The following RBMS3 variants were observed in gnomAD, a reference collection of about 807,000 sequenced individuals.
RBMS3 encodes the protein RNA binding motif single stranded interacting protein 3.
RBMS3 carries 27 observed loss-of-function variants against 66.8 expected under a neutral mutation model. That is an observed-to-expected ratio of 0.40 (90% confidence interval 0.30 to 0.56). RBMS3 has a LOEUF of 0.56. Among genes scored for constraint, RBMS3 ranks in the 20% least tolerant of loss-of-function variants. The pLI, the probability that RBMS3 is intolerant of heterozygous loss-of-function variation, is 0.40. For missense variants in RBMS3, 513 were observed against 549.5 expected (o/e 0.93, Z 0.66); for synonymous variants, 188 against 183.0 (o/e 1.03, Z -0.22).
At chr3:29,958,647 C>A (rs533214770) in intron 12 of RBMS3, among the ~76,000 whole-genome samples, 1 of 152,020 alleles carries the variant, frequency 6.6e-6, no homozygotes, top group African/African-American at 2.4e-5. Context: ...CTCACACTAC[C>A]GGCATTTGTG....
At chr3:29,407,251 A>C (rs2125677020) in intron 1 of RBMS3, among the ~76,000 whole-genome samples, 1 of 152,312 alleles carries the variant, frequency 6.6e-6, no homozygotes, top group South Asian at 2.1e-4. Context: ...CAACTGCCTA[A>C]GAAGGTTGAT....
chr3:29,650,864 G>C (rs142884521), intron 4 of RBMS3, among the ~76,000 whole-genome samples: 1 of 152,114 alleles, frequency 6.6e-6, no homozygotes, highest in African/African-American at 2.4e-5. Context: ...AAATCTAAGG[G>C]TCTTAACCAC....
intron 4 of RBMS3, among the ~76,000 whole-genome samples, chr3:29,688,169 C>T (rs932008013): frequency 2.6e-4 from 40 of 152,202 alleles, no homozygotes; most frequent in African/African-American, 9.4e-4. Context: ...CTTTTCTTCT[C>T]TTCTCTTACC....
intron 7 of RBMS3, among the ~76,000 whole-genome samples, chr3:29,874,876 G>C (rs1211580149): frequency 1.3e-5 from 2 of 152,152 alleles, no homozygotes; most frequent in East Asian, 3.9e-4. Context: ...GGTAAGTCAT[G>C]TAAATCCCTG....
In RBMS3 at chr3:29,902,305, A is replaced by G. The variant is rs141057544; in HGVS notation, c.939+2550A>G. On this transcript the variant is annotated intron_variant, in intron 10 of 14. Coordinates refer to ENST00000383767, the MANE Select transcript of RBMS3 (RefSeq NM_001003793.3). ...AGCACTCAATAAATTATTATTATTT[A>G]ATTATATTAGTAGACTTCTCATTAT... 7.2e-4 allele frequency among the ~76,000 whole-genome samples: 110 copies of G among 152,024 alleles called. 1 individual carries two copies. The Middle Eastern group carries it at 0.01, about 14-fold the overall frequency.
chr3:29,403,386 G>A (rs570304226), intron 1 of RBMS3, among the ~76,000 whole-genome samples: 1 of 152,150 alleles, frequency 6.6e-6, no homozygotes, highest in South Asian at 2.1e-4. Context: ...GTTGAGATGT[G>A]GCTGTAGGAT....
intron 4 of RBMS3, among the ~76,000 whole-genome samples, chr3:29,648,403 G>T (rs2149208934): frequency 1.3e-5 from 2 of 151,160 alleles, no homozygotes; most frequent in Middle Eastern, 6.8e-3. Flanking sequence ...CCCCGGAGTA[G>T]CTGGGACTAC....
chr3:29,321,081 C>A (rs1164179989), intron 1 of RBMS3, among the ~76,000 whole-genome samples: 1 of 152,066 alleles, frequency 6.6e-6, no homozygotes, highest in African/African-American at 2.4e-5. Flanking sequence ...CTGCTCAGTT[C>A]ATAGGGCAGG....
intron 1 of RBMS3, among the ~76,000 whole-genome samples, chr3:29,360,982 G>T (rs2037548907): frequency 6.6e-6 from 1 of 151,964 alleles, no homozygotes; most frequent in Admixed American, 6.5e-5. Context: ...GCACACTGAT[G>T]GGTCTTGACT....
At chr3:29,698,390 T>C (rs1313284735) in intron 4 of RBMS3, 142 of 985,286 alleles carry the variant, frequency 1.4e-4, no homozygotes, top group Non-Finnish European at 1.7e-4. Context: ...GATTTTTTTT[T>C]TCATGTAAAT....
chr3:29,787,454 T>G (rs534315586), intron 6 of RBMS3, among the ~76,000 whole-genome samples: 1 of 150,814 alleles, frequency 6.6e-6, no homozygotes, highest in Non-Finnish European at 1.5e-5. Context: ...AATCAATGAG[T>G]AGATAAAGAA....
intron 14 of RBMS3, among the ~76,000 whole-genome samples, chr3:29,998,554 G>C (rs1225910619): frequency 6.6e-6 from 1 of 152,172 alleles, no homozygotes; most frequent in Admixed American, 6.5e-5. Flanking sequence ...CATGGTACTG[G>C]TACCAAAACA....
At chr3:29,507,012 T>A (rs1196762805) in intron 3 of RBMS3, among the ~76,000 whole-genome samples, 10 of 144,826 alleles carry the variant, frequency 6.9e-5, no homozygotes, top group Middle Eastern at 3.5e-3. Context: ...TTTGTTTGTT[T>A]AAAAAAAAAA....
chr3:29,937,035 A>C (rs1339675010), intron 11 of RBMS3, among the ~76,000 whole-genome samples: 1 of 152,036 alleles, frequency 6.6e-6, no homozygotes, highest in Non-Finnish European at 1.5e-5. Flanking sequence ...AGTGCAGATA[A>C]TCTTGTCATT....
intron 6 of RBMS3, among the ~76,000 whole-genome samples, chr3:29,848,279 A>C (rs1334974736): frequency 6.6e-6 from 1 of 152,150 alleles, no homozygotes; most frequent in Non-Finnish European, 1.5e-5. Flanking sequence ...ATCTGCCATA[A>C]GTCATTTTTC....
At chr3:29,631,252 G>T (rs2049272396) in intron 4 of RBMS3, among the ~76,000 whole-genome samples, 1 of 151,664 alleles carries the variant, frequency 6.6e-6, no homozygotes, top group Non-Finnish European at 1.5e-5. Flanking sequence ...CTTTTTTACA[G>T]CTTTCTATTA....
At chr3:29,554,497 G>T (rs2046279878) in intron 3 of RBMS3, among the ~76,000 whole-genome samples, 2 of 152,130 alleles carry the variant, frequency 1.3e-5, no homozygotes, top group Non-Finnish European at 2.9e-5. Context: ...GAAAATGAGA[G>T]ACTTATTTAC....
intron 6 of RBMS3, among the ~76,000 whole-genome samples, chr3:29,859,439 C>T (rs1577013392): frequency 6.6e-6 from 1 of 152,176 alleles, no homozygotes; most frequent in South Asian, 2.1e-4. Flanking sequence ...TTGGAGAAAG[C>T]GTTCACTTAG....
intron 6 of RBMS3, among the ~76,000 whole-genome samples, chr3:29,779,892 C>A (rs1224373048): frequency 6.7e-6 from 1 of 149,460 alleles, no homozygotes; most frequent in African/African-American, 2.5e-5. Flanking sequence ...AAACAAATAT[C>A]TTTGAATAAC....
Sources: allele counts gnomAD v4.1 joint callset (sites outside exome capture counted in the v4.1 genomes callset), GRCh38; gene constraint gnomAD v4.1.1; transcripts MANE v1.5; gene names NCBI Gene and HGNC (gene_info 2026-07-23, HGNC 2026-07-21).